Variants in STX17 observed in about 807,000 individuals in gnomAD.
STX17 encodes syntaxin 17.
In STX17, 29 loss-of-function variants were observed where a neutral mutation model predicts 35.9. The ratio of observed to expected loss-of-function variants is 0.81; its 90% CI spans 0.60 to 1.10. The LOEUF is 1.10. STX17 is among the 50% of genes least tolerant of loss of function. STX17 has a pLI of 0.00. For missense variants in STX17, 312 were observed against 352.3 expected (o/e 0.89, Z 0.92); for synonymous variants, 92 against 118.3 (o/e 0.78, Z 1.44).
At chr9:99,929,333 T>C (rs1173324892) in intron 3 of STX17, among the ~76,000 whole-genome samples, 1 of 151,904 alleles carries the variant, frequency 6.6e-6, no homozygotes. Context: ...TGATCTTCTG[T>C]CTACAATTAG....
At chr9:99,958,743 T>C (rs1829764721) in intron 4 of STX17, among the ~76,000 whole-genome samples, 1 of 152,198 alleles carries the variant, frequency 6.6e-6, no homozygotes, top group Non-Finnish European at 1.5e-5. Context: ...ATTTAATAAA[T>C]GTCAACTCAA....
At chr9:99,922,612 G>T (rs1828910659) in intron 2 of STX17, among the ~76,000 whole-genome samples, 1 of 152,178 alleles carries the variant, frequency 6.6e-6, no homozygotes, top group Admixed American at 6.5e-5. Context: ...AGTCCTAAAT[G>T]CCACTGTCTC....
chr9:99,971,600 C>T lies in STX17; in HGVS notation c.*2927C>T, dbSNP rs563027649. Among the ~76,000 whole-genome samples, 93 of 152,062 alleles carry T rather than the reference C, an allele frequency of 6.1e-4. No individual in the cohort carries two copies. Among genetic ancestry groups the T allele is most frequent in the African/African-American group, 2.1e-3 (88 of 41,524 alleles). ...ACCAGGCATTTTACAAGTAAGGAAA[C>T]TGGGCTTCAGAGAAAATAATTTGCA... On this transcript the variant is annotated 3_prime_UTR_variant, in exon 8 of 8. Transcript: ENST00000259400.
chr9:99,958,462 T>G (rs1199383682), intron 4 of STX17, among the ~76,000 whole-genome samples: 1 of 152,254 alleles, frequency 6.6e-6, no homozygotes, highest in Non-Finnish European at 1.5e-5. Flanking sequence ...GCAGCAGCAG[T>G]AACTAATTTA....
At chr9:99,951,328 A>T (rs773748111) in intron 4 of STX17, 43 bp downstream of exon 4, 1 of 1,563,118 alleles carries the variant, frequency 6.4e-7, no homozygotes, top group East Asian at 2.2e-5. Flanking sequence ...ACAGTAGTGC[A>T]GTTAATTAAA....
At chr9:99,967,889 A>G (rs1748594795) in intron 7 of STX17, 150 bp downstream of exon 7, 1 of 668,560 alleles carries the variant, frequency 1.5e-6, no homozygotes, top group Non-Finnish European at 2.6e-6. Context: ...GTAAGAAATC[A>G]ATGTTGTAAT....
intron 3 of STX17, among the ~76,000 whole-genome samples, chr9:99,942,319 T>C (rs1334580874): frequency 1.3e-5 from 2 of 152,212 alleles, no homozygotes; most frequent in African/African-American, 4.8e-5. Flanking sequence ...GTAAGACTTC[T>C]TCATATGTTT....
At chr9:99,964,803 T>C (rs1564076100) in intron 6 of STX17, among the ~76,000 whole-genome samples, 2 of 152,134 alleles carry the variant, frequency 1.3e-5, no homozygotes, top group Admixed American at 6.5e-5. Context: ...GGAGTCTGGT[T>C]TGGCATTCTG....
At chr9:99,934,901 A>G (rs2118400956) in intron 3 of STX17, among the ~76,000 whole-genome samples, 1 of 152,328 alleles carries the variant, frequency 6.6e-6, no homozygotes, top group East Asian at 1.9e-4. Flanking sequence ...AGTATAGATA[A>G]GTATATATTT....
In STX17 at chr9:99,921,808, G is replaced by A. The variant is rs142989083; in HGVS notation, c.123+6446G>A. The stretch of plus-strand genomic sequence containing the variant: ...ATTTGCAAGGTCTTTTGGTTCTCTC[G>A]AGTGTAATTTCCCTGGGCCTGTTGA... On this transcript the variant is annotated intron_variant, in intron 2 of 7. Coordinates refer to ENST00000259400, the MANE Select transcript of STX17 (RefSeq NM_017919.3). Among the ~76,000 whole-genome samples the A allele has an allele frequency of 3.9e-5, 6 of 152,076 alleles. No homozygotes were observed. The East Asian group carries it at 5.8e-4, about 15-fold the overall frequency.
intron 2 of STX17, among the ~76,000 whole-genome samples, chr9:99,919,406 G>A (rs148701352): frequency 1.5e-3 from 233 of 152,194 alleles, no homozygotes; most frequent in African/African-American, 5.4e-3. Flanking sequence ...ACCATGCTTG[G>A]CTGTGGCTTG....
chr9:99,925,072 T>C (rs1407452778), intron 2 of STX17, among the ~76,000 whole-genome samples: 1 of 152,214 alleles, frequency 6.6e-6, no homozygotes, highest in Admixed American at 6.5e-5. Context: ...TCCCTCTTTC[T>C]TTTGGATTAA....
chr9:99,915,259 A>G lies in STX17; in HGVS notation c.20A>G (p.Lys7Arg). The change falls in exon 2 of 8, where the codon AAA becomes AGA. Residue 7 changes from lysine (K) to arginine (R), a missense_variant. Lys to Arg is a conservative substitution (Grantham distance 26, BLOSUM62 2). Coordinates refer to ENST00000259400, the MANE Select transcript of STX17 (RefSeq NM_017919.3). MSEDEE[K>R]VKLRRLEPAI... ...TTTAGGATGTCTGAAGATGAAGAAA[A>G]AGTGAAATTACGCCGTCTTGAACCA... 1 of 1,611,280 alleles carries G rather than the reference A, an allele frequency of 6.2e-7. No homozygotes were observed. Among genetic ancestry groups the G allele is most frequent in the Non-Finnish European group, 8.5e-7 (1 of 1,178,676 alleles).
Position 99,974,171 on chromosome 9 carries a change from T to G in STX17, c.*5498T>G, listed in dbSNP as rs1472324543. ...TTTGATAGCCACAGCACAAGTATTC[T>G]TCAGGAGCATAAATCCTCCAGCCTT... On this transcript the variant is annotated 3_prime_UTR_variant, in exon 8 of 8. Coordinates refer to ENST00000259400, the MANE Select transcript of STX17 (RefSeq NM_017919.3). 6.6e-6 allele frequency among the ~76,000 whole-genome samples: 1 copy of G among 152,218 alleles called. No homozygotes were observed. Among genetic ancestry groups the G allele is most frequent in the Non-Finnish European group, 1.5e-5 (1 of 68,030 alleles).
chr9:99,928,648 C>T (rs957257819), intron 2 of STX17, 130 bp from the exon 3 acceptor site: 9 of 540,702 alleles, frequency 1.7e-5, no homozygotes, highest in South Asian at 7.7e-5. Flanking sequence ...AGTTAATTAC[C>T]ACTACTAAAT....
intron 2 of STX17, among the ~76,000 whole-genome samples, chr9:99,928,560 T>A (rs1564062331): frequency 6.6e-6 from 1 of 152,098 alleles, no homozygotes; most frequent in Non-Finnish European, 1.5e-5. Context: ...CTTAGTGGGG[T>A]TTTTTTGGTT....
intron 3 of STX17, among the ~76,000 whole-genome samples, chr9:99,940,049 T>C (rs1291504516): frequency 1.3e-5 from 2 of 152,242 alleles, no homozygotes; most frequent in Non-Finnish European, 2.9e-5. Context: ...AATTCTGAAC[T>C]TATCATAGCA....
intron 3 of STX17, among the ~76,000 whole-genome samples, chr9:99,936,152 T>C (rs1443660653): frequency 6.6e-6 from 1 of 152,236 alleles, no homozygotes; most frequent in Non-Finnish European, 1.5e-5. Context: ...TGTTTGGCTA[T>C]TACTAATAAA....
At chr9:99,921,228 T>C (rs548342986) in intron 2 of STX17, among the ~76,000 whole-genome samples, 2 of 152,190 alleles carry the variant, frequency 1.3e-5, no homozygotes, top group Admixed American at 6.5e-5. Flanking sequence ...TGAATATACA[T>C]GTATAGAGCC....
Sources: gnomAD v4.1 joint callset for allele counts (sites outside exome capture counted in the v4.1 genomes callset) on GRCh38, gnomAD v4.1.1 for gene constraint, MANE v1.5 for transcripts, NCBI Gene and HGNC (gene_info 2026-07-23, HGNC 2026-07-21) for gene names.